Variants in RGS6 observed in about 807,000 individuals in gnomAD.
The protein encoded by RGS6 is regulator of G protein signaling 6, also known as regulator of G-protein signaling 6.
RGS6 carries 30 observed loss-of-function variants against 78.5 expected under a neutral mutation model. The observed-to-expected ratio is 0.38, with a 90% CI of 0.29 to 0.52. RGS6 has a LOEUF of 0.52. Among genes scored for constraint, RGS6 ranks in the 20% least tolerant of loss-of-function variants. The probability of loss-of-function intolerance (pLI) is 0.85; values close to 1 mark genes in which losing one functional copy is unlikely to be tolerated. For missense variants in RGS6, 495 were observed against 609.7 expected (o/e 0.81, Z 1.98); for synonymous variants, 206 against 206.0 (o/e 1.00, Z 0.00).
chr14:72,114,726 G>A (rs138172762), intron 2 of RGS6, among the ~76,000 whole-genome samples: 223 of 152,244 alleles, frequency 1.5e-3, no homozygotes, highest in African/African-American at 5.2e-3. Flanking sequence ...TAATTCTAGA[G>A]GATTAGGGAG....
intron 2 of RGS6, among the ~76,000 whole-genome samples, chr14:72,348,905 G>T (rs1042007629): frequency 6.6e-6 from 1 of 152,196 alleles, no homozygotes. Context: ...GGTGGCTCAC[G>T]CCTGTAATCC....
intron 12 of RGS6, among the ~76,000 whole-genome samples, chr14:72,485,024 C>T (rs530489982): frequency 3.2e-4 from 48 of 151,078 alleles, no homozygotes; most frequent in African/African-American, 1.1e-3. Flanking sequence ...ACTCAAGACC[C>T]AGTTCAAAGC....
At chr14:72,438,069 G>C (rs563439562) in intron 3 of RGS6, among the ~76,000 whole-genome samples, 1 of 152,274 alleles carries the variant, frequency 6.6e-6, no homozygotes, top group African/African-American at 2.4e-5. Context: ...AAGGGGGGTG[G>C]AAATAACAGA....
chr14:72,439,693 C>T (rs1460754075), intron 3 of RGS6, among the ~76,000 whole-genome samples: 1 of 152,218 alleles, frequency 6.6e-6, no homozygotes, highest in African/African-American at 2.4e-5. Flanking sequence ...GCTGTCACTA[C>T]AGCTGCCTCA....
intron 2 of RGS6, among the ~76,000 whole-genome samples, chr14:71,972,310 C>T (rs1273761249): frequency 1.3e-5 from 2 of 151,444 alleles, no homozygotes; most frequent in African/African-American, 4.9e-5. Context: ...ATCTACCACA[C>T]AGCTCTACTT....
At chr14:72,472,066 A>G (rs1031204926) in intron 8 of RGS6, among the ~76,000 whole-genome samples, 5 of 152,164 alleles carry the variant, frequency 3.3e-5, no homozygotes, top group African/African-American at 1.2e-4. Flanking sequence ...ATTTCAGTCC[A>G]GTAAAGTAAA....
chr14:72,333,226 T>C (rs139163761), intron 2 of RGS6, among the ~76,000 whole-genome samples: 1 of 152,348 alleles, frequency 6.6e-6, no homozygotes, highest in East Asian at 1.9e-4. Context: ...CAAATGATCA[T>C]TTCCGGGGGA....
intron 3 of RGS6, among the ~76,000 whole-genome samples, chr14:72,453,078 G>A (rs1341267177): frequency 1.3e-5 from 2 of 152,208 alleles, no homozygotes; most frequent in African/African-American, 4.8e-5. Flanking sequence ...GTCGCACAGA[G>A]TGGTTAGGTT....
At chr14:72,082,726 A>G (rs758495933) in intron 2 of RGS6, among the ~76,000 whole-genome samples, 26 of 152,186 alleles carry the variant, frequency 1.7e-4, no homozygotes, top group Admixed American at 6.5e-5. Flanking sequence ...AAAATTCGCA[A>G]ATGATGGGAA....
intron 3 of RGS6, among the ~76,000 whole-genome samples, chr14:72,422,173 G>A (rs1437186587): frequency 6.6e-6 from 1 of 152,098 alleles, no homozygotes; most frequent in Non-Finnish European, 1.5e-5. Context: ...TGATTGTGAG[G>A]CCTCCCCAGC....
intron 2 of RGS6, among the ~76,000 whole-genome samples, chr14:72,338,102 T>C (rs972936772): frequency 6.6e-6 from 1 of 152,246 alleles, no homozygotes; most frequent in Non-Finnish European, 1.5e-5. Flanking sequence ...AGGTGCTACC[T>C]GTAGGCAGGA....
chr14:72,124,354 G>T (rs2096133997), intron 2 of RGS6, among the ~76,000 whole-genome samples: 1 of 152,122 alleles, frequency 6.6e-6, no homozygotes, highest in African/African-American at 2.4e-5. Context: ...GCAAAGATAG[G>T]CTTAATCAAG....
intron 3 of RGS6, among the ~76,000 whole-genome samples, chr14:72,389,597 G>A (rs773065947): frequency 1.3e-5 from 2 of 152,148 alleles, no homozygotes; most frequent in African/African-American, 4.8e-5. Context: ...CCGATCCCCA[G>A]GGCCTGAAAC....
At chr14:71,964,626 A>G (rs1008548328) in intron 1 of RGS6, 146 bp from the exon 2 acceptor site, 12 of 589,412 alleles carry the variant, frequency 2.0e-5, no homozygotes, top group African/African-American at 3.7e-5. Context: ...TAAGACTGCA[A>G]TCATCCCCTA....
intron 3 of RGS6, among the ~76,000 whole-genome samples, chr14:72,447,132 G>A (rs1349819947): frequency 6.6e-6 from 1 of 152,176 alleles, no homozygotes; most frequent in African/African-American, 2.4e-5. Context: ...ATTCTGGGAA[G>A]GGAAAGGCAG....
At chr14:72,447,404 C>G (rs1327287440) in intron 3 of RGS6, among the ~76,000 whole-genome samples, 1 of 152,148 alleles carries the variant, frequency 6.6e-6, no homozygotes, top group Admixed American at 6.5e-5. Context: ...CCTCATTTCC[C>G]CTTCTGTCCA....
chr14:72,574,745 G>T, the RGS6 span, among the ~76,000 whole-genome samples: 54 of 152,306 alleles, frequency 3.5e-4, no homozygotes, highest in Non-Finnish European at 6.5e-4. Flanking sequence ...GAGGAAGTGG[G>T]GAAGGAGGTA....
intron 3 of RGS6, among the ~76,000 whole-genome samples, chr14:72,450,526 A>G (rs1376616251): frequency 6.6e-6 from 1 of 152,208 alleles, no homozygotes; most frequent in Non-Finnish European, 1.5e-5. Flanking sequence ...ATCAGCCTCA[A>G]AAAGAATGCT....
the RGS6 span, among the ~76,000 whole-genome samples, chr14:71,908,713 A>G: frequency 1.3e-5 from 2 of 152,080 alleles, no homozygotes; most frequent in African/African-American, 4.8e-5. Flanking sequence ...ATACGCAAGG[A>G]TTAGTTGGGT....
Sources: gnomAD v4.1 joint callset for allele counts (sites outside exome capture counted in the v4.1 genomes callset) on GRCh38, gnomAD v4.1.1 for gene constraint, MANE v1.5 for transcripts, NCBI Gene and HGNC (gene_info 2026-07-23, HGNC 2026-07-21) for gene names.